FNDC3A: variants seen among roughly 807,000 people sequenced by gnomAD.
The protein encoded by FNDC3A is fibronectin type III domain containing 3A.
A neutral mutation model predicts 148.9 loss-of-function variants in FNDC3A; 32 were observed. The observed-to-expected ratio is 0.21, with a 90% CI of 0.16 to 0.29. FNDC3A has a LOEUF of 0.29. Among genes scored for constraint, FNDC3A ranks in the 10% least tolerant of loss-of-function variants. The pLI is 1.00. For synonymous variants in FNDC3A, 472 were observed against 473.6 expected, an observed-to-expected ratio of 1.00 and a Z score of 0.04; for missense variants, 1,191 against 1,452.8, an observed-to-expected ratio of 0.82 and a Z score of 2.93.
At chr13:49,091,789 T>G (rs1238870706) in intron 3 of FNDC3A, among the ~76,000 whole-genome samples, 1 of 152,204 alleles carries the variant, frequency 6.6e-6, no homozygotes, top group Non-Finnish European at 1.5e-5. Context: ...AGCCACTTCC[T>G]CATGTAACTT....
At position 49,131,273 on chromosome 13, in the gene FNDC3A, C is replaced by G; in HGVS notation, c.389C>G (p.Pro130Arg). The G allele has an allele frequency of 6.2e-7, 1 of 1,613,914 alleles. No individual in the cohort carries two copies. The highest frequency in any genetic ancestry group is 8.5e-7 in the Non-Finnish European group (1 of 1,179,964). Reference sequence around the variant, plus strand: ...TTCATTCCTGTCCCAACTATGATGCCGCCTCCACCACGTCATATGTACTCA... The same window carrying G: ...TTCATTCCTGTCCCAACTATGATGCGGCCTCCACCACGTCATATGTACTCA... ...PGFIPVPTMM[P>R]PPPRHMYSPV... is the part of the protein sequence containing the mutation. Residue 130 changes from proline (P) to arginine (R), a missense_variant, in exon 5 of 26, where the codon CCG becomes CGG. Physicochemically the swap from Pro to Arg is moderately radical, Grantham distance 103 (BLOSUM62 -2). Around this residue, in one of 3 missense-constraint regions of FNDC3A, gnomAD observed 426 missense variants for 473.2 expected, o/e 0.90. Coordinates refer to ENST00000492622, the MANE Select transcript of FNDC3A (RefSeq NM_001079673.2).
intron 2 of FNDC3A, among the ~76,000 whole-genome samples, chr13:49,035,820 T>A (rs997536703): frequency 1.3e-5 from 2 of 152,128 alleles, no homozygotes; most frequent in African/African-American, 4.8e-5. Context: ...TGTTTGTCTA[T>A]ATGCTGGTAT....
chr13:49,198,482 G>A lies in FNDC3A; in HGVS notation c.2895G>A (p.Gln965=). ...PRLECVAFSH[Q]NLKLKWGEGT... ...TGGAATGTGTTGCCTTTAGCCACCA[G>A]AACCTTAAGCTGAAATGGGGAGAAG... Residue 965 remains glutamine, a synonymous_variant, in exon 23 of 26, where the codon CAG becomes CAA. Coordinates refer to ENST00000492622, the MANE Select transcript of FNDC3A (RefSeq NM_001079673.2). The A allele has an allele frequency of 6.2e-7, 1 of 1,614,190 alleles. No homozygotes were observed. The highest frequency in any genetic ancestry group is 1.1e-5 in the South Asian group (1 of 91,082).
chr13:49,001,737 T>C (rs1196131422), intron 1 of FNDC3A, among the ~76,000 whole-genome samples: 1 of 152,176 alleles, frequency 6.6e-6, no homozygotes, highest in African/African-American at 2.4e-5. Flanking sequence ...TAATAAATTT[T>C]GGTCAGACCG....
intron 7 of FNDC3A, among the ~76,000 whole-genome samples, chr13:49,143,063 C>A (rs1227517680): frequency 6.6e-6 from 1 of 152,002 alleles, no homozygotes; most frequent in Non-Finnish European, 1.5e-5. Flanking sequence ...AGATAGGGTT[C>A]CACCATGTTG....
chr13:49,098,230 T>G (rs1249580441), intron 3 of FNDC3A, among the ~76,000 whole-genome samples: 1 of 152,124 alleles, frequency 6.6e-6, no homozygotes, highest in Non-Finnish European at 1.5e-5. Flanking sequence ...CAGTACTGAT[T>G]TAATGCAGTC....
chr13:49,068,249 A>C (rs952205038), intron 2 of FNDC3A, among the ~76,000 whole-genome samples: 3 of 151,774 alleles, frequency 2.0e-5, no homozygotes, highest in Non-Finnish European at 1.5e-5. Context: ...CTATAGTCCC[A>C]GCTACCCTAG....
At chr13:49,064,637 G>A (rs961811191) in intron 2 of FNDC3A, among the ~76,000 whole-genome samples, 1 of 152,136 alleles carries the variant, frequency 6.6e-6, no homozygotes, top group Non-Finnish European at 1.5e-5. Context: ...GGCCCCAGTG[G>A]CGCAGACACA....
At chr13:49,019,683 C>A (rs1023412114) in intron 2 of FNDC3A, among the ~76,000 whole-genome samples, 5 of 152,190 alleles carry the variant, frequency 3.3e-5, no homozygotes, top group Non-Finnish European at 7.4e-5. Flanking sequence ...AACCCAATTT[C>A]ATTGTGATAC....
intron 2 of FNDC3A, among the ~76,000 whole-genome samples, chr13:49,075,028 G>C (rs1291524295): frequency 6.6e-6 from 1 of 152,134 alleles, no homozygotes; most frequent in African/African-American, 2.4e-5. Context: ...CTTTGTTTCA[G>C]AGTGAAGTTT....
intron 1 of FNDC3A, among the ~76,000 whole-genome samples, chr13:48,997,189 T>C (rs1021405983): frequency 2.6e-5 from 4 of 152,206 alleles, no homozygotes; most frequent in African/African-American, 9.6e-5. Context: ...TCCACATGCT[T>C]TTTAGACAAA....
intron 25 of FNDC3A, among the ~76,000 whole-genome samples, chr13:49,204,865 C>T (rs2138145004): frequency 6.6e-6 from 1 of 152,212 alleles, no homozygotes; most frequent in African/African-American, 2.4e-5. Context: ...CATCATCTTC[C>T]CTCCCAGTAT....
chr13:49,008,084 A>G (rs904634485), intron 2 of FNDC3A, among the ~76,000 whole-genome samples: 3 of 152,230 alleles, frequency 2.0e-5, no homozygotes, highest in African/African-American at 7.2e-5. Flanking sequence ...GAAGGAACTC[A>G]GTAAATGTTT....
intron 3 of FNDC3A, among the ~76,000 whole-genome samples, chr13:49,097,723 G>A (rs78088969): frequency 0.014 from 2,070 of 151,998 alleles, 50 homozygotes; most frequent in African/African-American, 0.047. Flanking sequence ...ATTAGGTGTG[G>A]GTGTGTTTTC....
chr13:49,174,827 C>T (rs1290716983), intron 12 of FNDC3A, among the ~76,000 whole-genome samples: 1 of 152,046 alleles, frequency 6.6e-6, no homozygotes, highest in Non-Finnish European at 1.5e-5. Context: ...TTCTTTTGCT[C>T]CTCAGCATAT....
chr13:48,999,908 C>A (rs1952094356), intron 1 of FNDC3A, among the ~76,000 whole-genome samples: 1 of 152,222 alleles, frequency 6.6e-6, no homozygotes, highest in African/African-American at 2.4e-5. Flanking sequence ...GGATCTTAAA[C>A]TTCCCAGCCT....
At chr13:49,157,805 TG>T (rs1464893673) in intron 8 of FNDC3A, among the ~76,000 whole-genome samples, 1 of 130,720 alleles carries the variant, frequency 7.6e-6, no homozygotes, top group South Asian at 3.0e-4. Context: ...GTGCCCCTGC[TG>T]GGGGGTGCCT....
chr13:49,003,342 G>T (rs1429088948), intron 1 of FNDC3A, among the ~76,000 whole-genome samples: 2 of 152,156 alleles, frequency 1.3e-5, no homozygotes, highest in Non-Finnish European at 2.9e-5. Context: ...TAGAATTACA[G>T]GCATGAACCA....
intron 3 of FNDC3A, among the ~76,000 whole-genome samples, chr13:49,102,689 A>G (rs1879939074): frequency 6.6e-6 from 1 of 152,208 alleles, no homozygotes; most frequent in African/African-American, 2.4e-5. Context: ...TAATTTGAGT[A>G]TATGTGTCAA....
Sources: allele counts gnomAD v4.1 joint callset (sites outside exome capture counted in the v4.1 genomes callset), GRCh38; gene constraint gnomAD v4.1.1; regional missense constraint gnomAD v4.1.1; transcripts MANE v1.5; gene names NCBI Gene and HGNC (gene_info 2026-07-23, HGNC 2026-07-21).